The following TMPRSS9 variants were observed in gnomAD, a reference collection of about 807,000 sequenced individuals.
The protein encoded by TMPRSS9 is transmembrane protease serine 9.
Under a neutral mutation model 111.4 loss-of-function variants are expected in TMPRSS9, and 113 were observed. The observed-to-expected ratio is 1.01, with a 90% CI of 0.87 to 1.19. The LOEUF (loss-of-function observed/expected upper bound fraction) is 1.19, where lower values mean the gene tolerates loss of function less well. Among genes scored for constraint, TMPRSS9 ranks in the 50% most tolerant of loss-of-function variants. The pLI, the probability that TMPRSS9 is intolerant of heterozygous loss-of-function variation, is 0.00. For synonymous variants in TMPRSS9, 805 were observed against 659.1 expected, an observed-to-expected ratio of 1.22 and a Z score of -3.39; for missense variants, 1,803 against 1,513.1, an observed-to-expected ratio of 1.19 and a Z score of -3.18.
At chr19:2,424,018 C>T (rs1297001875) in intron 14 of TMPRSS9, 71 bp from the exon 16 acceptor site, 4 of 1,239,612 alleles carry the variant, frequency 3.2e-6, no homozygotes, top group East Asian at 6.3e-5. Context: ...CGTGGAGAGG[C>T]GGCGCCCAGG....
At chr19:2,398,442 C>T (rs550366075) in intron 2 of TMPRSS9, among the ~76,000 whole-genome samples, 1 of 151,942 alleles carries the variant, frequency 6.6e-6, no homozygotes, top group African/African-American at 2.4e-5. Context: ...CATAGTGAAA[C>T]CCCATTTCTA....
At chr19:2,406,474 A>G (rs1050894354) in intron 7 of TMPRSS9, among the ~76,000 whole-genome samples, 15 of 148,148 alleles carry the variant, frequency 1.0e-4, no homozygotes, top group African/African-American at 3.8e-4. Flanking sequence ...CTACAGGTGC[A>G]CGCCACCATG....
At chr19:2,412,398 C>A (rs1053560591) in intron 9 of TMPRSS9, among the ~76,000 whole-genome samples, 1 of 151,986 alleles carries the variant, frequency 6.6e-6, no homozygotes. Context: ...AGTGAGACGC[C>A]GTCTCAAACA....
At position 2,408,467 on chromosome 19, in the gene TMPRSS9, C is replaced by G; in HGVS notation, c.954C>G (p.Tyr318Ter). 1 of 1,613,950 alleles carries G rather than the reference C, an allele frequency of 6.2e-7. No homozygotes were observed. Among genetic ancestry groups the G allele is most frequent in the South Asian group, 1.1e-5 (1 of 91,086 alleles). Reference sequence around the variant, plus strand: ...TCCAGATCGTCAAGCACCCCCTGTACAACGCGGACACGGCCGACTTTGACG... The same window carrying G: ...TCCAGATCGTCAAGCACCCCCTGTAGAACGCGGACACGGCCGACTTTGACG... The change falls in exon 8 of 18, where the codon TAC becomes TAG. Residue 318 changes from tyrosine (Y) to a stop codon, truncating the protein, a stop_gained. Transcript: ENST00000648592. LOFTEE classifies it high-confidence loss of function.
chr19:2,400,555 T>C (rs1303788609), intron 4 of TMPRSS9, among the ~76,000 whole-genome samples: 1 of 150,150 alleles, frequency 6.7e-6, no homozygotes, highest in African/African-American at 2.5e-5. Flanking sequence ...AAAAAATTAA[T>C]AAAAATAAAA....
Position 2,396,796 on chromosome 19 carries a change from G to C in TMPRSS9, c.270+130G>C, listed in dbSNP as rs1050605089. 4 of 1,331,344 alleles carry C rather than the reference G, an allele frequency of 3.0e-6. No individual in the cohort carries two copies. The African/African-American group carries it at 4.4e-5, about 15-fold the overall frequency. The allele number at this position is 1,331,344 out of a possible 1,614,324, so 82.5% of individuals were successfully genotyped here. On this transcript the variant is annotated intron_variant, in intron 2 of 17. Coordinates refer to ENST00000648592, the Ensembl canonical transcript of TMPRSS9. ...AAGCTGAGGTGGAGGCTGTGAGACC[G>C]GGAGGCCAGGCCAGGGGGCGGGCAG...
intron 10 of TMPRSS9, among the ~76,000 whole-genome samples, chr19:2,414,733 G>T (rs961139869): frequency 5.3e-5 from 8 of 151,038 alleles, no homozygotes; most frequent in African/African-American, 1.9e-4. Flanking sequence ...TGGGCATGGT[G>T]GAGGGCACCT....
chr19:2,416,612 T>C (rs1478199661), exon 12 of TMPRSS9: 1 of 1,612,774 alleles, frequency 6.2e-7, no homozygotes, highest in South Asian at 1.1e-5. Context: ...CCGGTGAAGA[T>C]CGGGCTGCGG....
intron 4 of TMPRSS9, among the ~76,000 whole-genome samples, chr19:2,401,513 G>A (rs879329714): frequency 2.0e-5 from 3 of 152,142 alleles, no homozygotes; most frequent in Admixed American, 2.0e-4. Flanking sequence ...TTTCATCCTC[G>A]CTGATTGAAG....
intron 1 of TMPRSS9, among the ~76,000 whole-genome samples, chr19:2,393,158 G>C (rs971278699): frequency 6.6e-6 from 1 of 152,114 alleles, no homozygotes; most frequent in Admixed American, 6.6e-5. Flanking sequence ...GCGGCAACCG[G>C]CTTGGGGACC....
In TMPRSS9 at chr19:2,425,385, G is replaced by GT. The variant is rs1202979486; in HGVS notation, c.3012_3013insT (p.Ala1005CysfsTer38). On this transcript the variant is annotated frameshift_variant, in exon 17 of 18. Transcript: ENST00000648592. LOFTEE classifies it high-confidence loss of function. ...CCATGGCGCGGCAGCTGCAGAAGGC[G>GT]GCCGTGCGCCTCCTCAGCGAGCAGA... The GT allele has an allele frequency of 6.5e-7, 1 of 1,544,878 alleles. No homozygotes were observed. The highest frequency in any genetic ancestry group is 8.7e-7 in the Non-Finnish European group (1 of 1,155,100).
At chr19:2,405,676 G>C in intron 7 of TMPRSS9, 131 bp downstream of exon 8, 1 of 972,122 alleles carries the variant, frequency 1.0e-6, no homozygotes. Flanking sequence ...TTTCTTTCTT[G>C]CTTTTGCTGT....
chr19:2,425,327 ACCCGCCCCGTCTCGCTCG>A lies in TMPRSS9; in HGVS notation c.2984-22_2984-5del. ...CGGGGGGCGGCCGGACGCGGTCCCC[ACCCGCCCCGTCTCGCTCG>A]CCCGCCCGCAGGCTCCATGGCGCGG... On this transcript the variant is annotated splice_polypyrimidine_tract_variant and intron_variant, in intron 16 of 17. Transcript: ENST00000648592. 1 of 1,380,478 alleles carries A rather than the reference ACCCGCCCCGTCTCGCTCG, an allele frequency of 7.2e-7. No homozygotes were observed. The highest frequency in any genetic ancestry group is 9.4e-7 in the Non-Finnish European group (1 of 1,064,618). 85.5% of individuals were successfully genotyped at this position (1,380,478 alleles called of 1,614,324 possible).
upstream of TMPRSS9, chr19:2,389,661 C>T (rs918229887): frequency 8.2e-6 from 10 of 1,221,102 alleles, no homozygotes; most frequent in Non-Finnish European, 1.0e-5. Flanking sequence ...AGCCACCGCG[C>T]CCCGCCGTTT....
intron 1 of TMPRSS9, among the ~76,000 whole-genome samples, chr19:2,373,805 T>C (rs1970309322): frequency 6.6e-6 from 1 of 152,246 alleles, no homozygotes; most frequent in Admixed American, 6.5e-5. Context: ...CGGCCAACTT[T>C]TGCTTTCTTT....
intron 1 of TMPRSS9, among the ~76,000 whole-genome samples, chr19:2,380,333 T>C (rs1449860350): frequency 2.6e-5 from 4 of 151,342 alleles, no homozygotes; most frequent in East Asian, 2.0e-4. Context: ...CAGTGGCTCA[T>C]GCCTGTAATC....
exon 12 of TMPRSS9, chr19:2,416,673 G>T: frequency 6.2e-7 from 1 of 1,613,078 alleles, no homozygotes; most frequent in Non-Finnish European, 8.5e-7. Context: ...ACTTCGACCT[G>T]GCTGTCCTGG....
At chr19:2,401,118 C>CA (rs1349888342) in intron 4 of TMPRSS9, among the ~76,000 whole-genome samples, 1 of 133,606 alleles carries the variant, frequency 7.5e-6, no homozygotes, top group Non-Finnish European at 1.7e-5. Context: ...ACTAAAAATA[C>CA]AAAAAATCAG....
At position 2,418,091 on chromosome 19, in the gene TMPRSS9, C is replaced by G. The variant is rs770483367; in HGVS notation, c.2107C>G (p.Arg703Gly). 3 of 1,612,296 alleles carry G rather than the reference C, an allele frequency of 1.9e-6. No individual in the cohort carries two copies. The Admixed American group carries it at 5.0e-5, about 27-fold the overall frequency. Residue 703 changes from arginine (R) to glycine (G), a missense_variant, in exon 13 of 18, where the codon CGC (arginine) becomes GGC (glycine). Coordinates refer to ENST00000648592, the Ensembl canonical transcript of TMPRSS9. ...GCTCTACAACTTCTCCCTCACAGAC[C>G]GCATGATCTGCGCAGGCTTCCTGGA...
Sources: gnomAD v4.1 joint callset for allele counts (sites outside exome capture counted in the v4.1 genomes callset) on GRCh38, gnomAD v4.1.1 for gene constraint, MANE v1.5 for transcripts, NCBI Gene and HGNC (gene_info 2026-07-23, HGNC 2026-07-21) for gene names.